TMEM108: variants seen among roughly 807,000 people sequenced by gnomAD.
The protein encoded by TMEM108 is cancer/testis antigen 124.
In TMEM108, 12 loss-of-function variants were observed where a neutral mutation model predicts 35.1. The ratio of observed to expected loss-of-function variants is 0.34; its 90% CI spans 0.22 to 0.55. The LOEUF is 0.55. Among genes scored for constraint, TMEM108 ranks in the 20% least tolerant of loss-of-function variants. TMEM108 has a pLI of 0.89. For missense variants in TMEM108, 680 were observed against 753.3 expected (o/e 0.90, Z 1.14); for synonymous variants, 287 against 308.6 (o/e 0.93, Z 0.73).
intron 2 of TMEM108, among the ~76,000 whole-genome samples, chr3:133,227,604 CATT>C (rs1239821610): frequency 1.3e-5 from 2 of 151,660 alleles, no homozygotes; most frequent in Admixed American, 6.6e-5. Flanking sequence ...GCCTTAAAAA[CATT>C]ATGCTGAGGC....
chr3:133,369,674 T>C (rs1338605162), intron 3 of TMEM108, among the ~76,000 whole-genome samples: 1 of 152,228 alleles, frequency 6.6e-6, no homozygotes, highest in Non-Finnish European at 1.5e-5. Flanking sequence ...TCTCTCTAAG[T>C]GGACTCCAAA....
intron 2 of TMEM108, among the ~76,000 whole-genome samples, chr3:133,169,758 G>C (rs1945101064): frequency 6.6e-6 from 1 of 152,142 alleles, no homozygotes; most frequent in African/African-American, 2.4e-5. Flanking sequence ...ATCTAGTTCT[G>C]TTTCCCCTGA....
At chr3:133,116,075 C>T (rs1033593942) in intron 2 of TMEM108, among the ~76,000 whole-genome samples, 1 of 152,170 alleles carries the variant, frequency 6.6e-6, no homozygotes, top group Non-Finnish European at 1.5e-5. Flanking sequence ...AAAGATACTC[C>T]AAGTCTTTAG....
intron 3 of TMEM108, among the ~76,000 whole-genome samples, chr3:133,293,839 A>G (rs16840188): frequency 0.31 from 46,467 of 152,004 alleles, 7,843 homozygotes; most frequent in East Asian, 0.47. Context: ...AGCAGAGACC[A>G]TCACCTCAAT....
chr3:133,129,663 G>T (rs1432957263), intron 2 of TMEM108, among the ~76,000 whole-genome samples: 3 of 152,088 alleles, frequency 2.0e-5, no homozygotes, highest in African/African-American at 7.2e-5. Flanking sequence ...GAATGCCAAG[G>T]AAAGGAAACT....
chr3:133,391,906 T>A (rs1236076483), intron 5 of TMEM108, among the ~76,000 whole-genome samples: 1 of 152,144 alleles, frequency 6.6e-6, no homozygotes, highest in Non-Finnish European at 1.5e-5. Context: ...TGGTCTGATA[T>A]TAGTTTAGTA....
intron 3 of TMEM108, among the ~76,000 whole-genome samples, chr3:133,325,135 G>A (rs569009338): frequency 6.6e-6 from 1 of 152,240 alleles, no homozygotes; most frequent in Admixed American, 6.5e-5. Context: ...GTACACCATG[G>A]AGAGCTACTC....
intron 2 of TMEM108, among the ~76,000 whole-genome samples, chr3:133,046,403 A>G (rs1459834859): frequency 6.6e-6 from 1 of 152,108 alleles, no homozygotes; most frequent in African/African-American, 2.4e-5. Context: ...TCCCTCACCT[A>G]CCACCTTCTT....
At chr3:133,111,609 AT>A (rs34725735) in intron 2 of TMEM108, among the ~76,000 whole-genome samples, 1 of 152,072 alleles carries the variant, frequency 6.6e-6, no homozygotes, top group Non-Finnish European at 1.5e-5. Flanking sequence ...CATTTTTAAT[AT>A]TTTGCGTGCA....
At chr3:133,291,452 A>G (rs1254763315) in intron 3 of TMEM108, among the ~76,000 whole-genome samples, 2 of 151,800 alleles carry the variant, frequency 1.3e-5, no homozygotes, top group East Asian at 1.9e-4. Flanking sequence ...AGCTAATTTT[A>G]TTTTTTGTAG....
chr3:133,304,442 AG>A (rs1947273331), intron 3 of TMEM108, among the ~76,000 whole-genome samples: 1 of 136,202 alleles, frequency 7.3e-6, no homozygotes, highest in African/African-American at 2.5e-5. Flanking sequence ...CCCTCAATAT[AG>A]TCCAGTCATA....
chr3:133,101,990 TG>T (rs1944094517), intron 2 of TMEM108, among the ~76,000 whole-genome samples: 1 of 152,248 alleles, frequency 6.6e-6, no homozygotes, highest in African/African-American at 2.4e-5. Flanking sequence ...CTAGTATTTT[TG>T]AGGCTATTCT....
At chr3:133,160,648 C>G (rs1048813211) in intron 2 of TMEM108, among the ~76,000 whole-genome samples, 2 of 152,334 alleles carry the variant, frequency 1.3e-5, no homozygotes, top group Middle Eastern at 3.4e-3. Flanking sequence ...CAGGGTAGAT[C>G]TAATCAGTTG....
At chr3:133,382,998 G>A (rs565313424) in intron 4 of TMEM108, among the ~76,000 whole-genome samples, 1 of 152,156 alleles carries the variant, frequency 6.6e-6, no homozygotes, top group Non-Finnish European at 1.5e-5. Context: ...CAGCTTTATT[G>A]TCTCTCATGA....
intron 3 of TMEM108, among the ~76,000 whole-genome samples, chr3:133,281,938 A>G (rs1003305225): frequency 3.9e-5 from 6 of 152,204 alleles, no homozygotes; most frequent in African/African-American, 1.4e-4. Flanking sequence ...TGGGCGGATC[A>G]TGAGGTCAGG....
intron 2 of TMEM108, among the ~76,000 whole-genome samples, chr3:133,097,392 T>C (rs548933483): frequency 1.3e-5 from 2 of 152,342 alleles, no homozygotes; most frequent in East Asian, 3.9e-4. Context: ...AATTCCAGAA[T>C]GCATTCATTG....
chr3:133,388,000 T>C, intron 4 of TMEM108: 1 of 985,458 alleles, frequency 1.0e-6, no homozygotes, highest in Non-Finnish European at 1.2e-6. Context: ...CCTGCCAGCC[T>C]GTGTTCTGTG....
intron 2 of TMEM108, among the ~76,000 whole-genome samples, chr3:133,178,472 T>A (rs1215495149): frequency 6.6e-6 from 1 of 151,690 alleles, no homozygotes; most frequent in Non-Finnish European, 1.5e-5. Flanking sequence ...TATAGACCAA[T>A]GGAACAGAAC....
chr3:133,240,620 A>G (rs1946299650), intron 3 of TMEM108, among the ~76,000 whole-genome samples: 1 of 152,208 alleles, frequency 6.6e-6, no homozygotes, highest in Non-Finnish European at 1.5e-5. Flanking sequence ...ATAGGAAAGT[A>G]TTTTTGCTAA....
Sources: gnomAD v4.1 joint callset for allele counts (sites outside exome capture counted in the v4.1 genomes callset) on GRCh38, gnomAD v4.1.1 for gene constraint, MANE v1.5 for transcripts, NCBI Gene and HGNC (gene_info 2026-07-23, HGNC 2026-07-21) for gene names.